RNLS: variants seen among roughly 807,000 people sequenced by gnomAD.
The protein encoded by RNLS is renalase.
In RNLS, 39 loss-of-function variants were observed where a neutral mutation model predicts 39.8. The ratio of observed to expected loss-of-function variants is 0.98; its 90% CI spans 0.76 to 1.28. RNLS has a LOEUF of 1.28. Ranked by LOEUF, RNLS falls within the 50% of genes most tolerant of loss-of-function variation. The pLI is 0.00. For synonymous variants in RNLS, 147 were observed against 150.7 expected, an observed-to-expected ratio of 0.98 and a Z score of 0.18; for missense variants, 410 against 413.3, an observed-to-expected ratio of 0.99 and a Z score of 0.07.
At chr10:88,579,732 A>G (rs948593487) in intron 3 of RNLS, among the ~76,000 whole-genome samples, 1 of 152,310 alleles carries the variant, frequency 6.6e-6, no homozygotes, top group East Asian at 1.9e-4. Context: ...CAAAACGTCC[A>G]ATAGTGTCAC....
At chr10:88,405,932 T>A (rs1202014747) in intron 4 of RNLS, among the ~76,000 whole-genome samples, 1 of 152,130 alleles carries the variant, frequency 6.6e-6, no homozygotes, top group East Asian at 1.9e-4. Context: ...TGGCAAATTA[T>A]CTCAGCATTT....
At chr10:88,255,181 G>A in the RNLS span, among the ~76,000 whole-genome samples, 1 of 152,216 alleles carries the variant, frequency 6.6e-6, no homozygotes, top group South Asian at 2.1e-4. Context: ...GTTTATTCAT[G>A]ATACATTTGT....
At chr10:88,462,501 G>T (rs961074221) in intron 4 of RNLS, among the ~76,000 whole-genome samples, 1 of 151,890 alleles carries the variant, frequency 6.6e-6, no homozygotes, top group African/African-American at 2.4e-5. Flanking sequence ...CAAGCATTAT[G>T]TCCAGGATTC....
At chr10:88,199,131 G>A in the RNLS span, among the ~76,000 whole-genome samples, 2 of 152,160 alleles carry the variant, frequency 1.3e-5, no homozygotes, top group African/African-American at 4.8e-5. Flanking sequence ...CCAGTGAAAG[G>A]TGAGGAGAAG....
At chr10:88,202,845 G>A in the RNLS span, among the ~76,000 whole-genome samples, 6 of 152,052 alleles carry the variant, frequency 3.9e-5, no homozygotes, top group East Asian at 1.2e-3. Context: ...ATTCCCCCAT[G>A]GCACACAGGG....
chr10:88,341,402 ACAATGCCTAGCCCATGGAG>A (rs1227743801), intron 5 of RNLS, among the ~76,000 whole-genome samples: 1 of 152,026 alleles, frequency 6.6e-6, no homozygotes, highest in African/African-American at 2.4e-5. Context: ...AATACCTAGA[ACAATGCCTAGCCCATGGAG>A]TGCAATAAAT....
chr10:88,347,862 C>G (rs1013235187), intron 5 of RNLS, among the ~76,000 whole-genome samples: 1 of 152,098 alleles, frequency 6.6e-6, no homozygotes, highest in African/African-American at 2.4e-5. Context: ...AGTAATTTAG[C>G]TCTCTCTCCT....
the RNLS span, among the ~76,000 whole-genome samples, chr10:88,202,225 A>G: frequency 3.4e-5 from 5 of 146,878 alleles, no homozygotes; most frequent in Non-Finnish European, 5.9e-5. Flanking sequence ...GCATGTTCGC[A>G]CTCATAGGTG....
At chr10:88,208,514 A>T in the RNLS span, among the ~76,000 whole-genome samples, 1 of 152,206 alleles carries the variant, frequency 6.6e-6, no homozygotes, top group African/African-American at 2.4e-5. Context: ...TAGTATTGGC[A>T]TAAAATACCA....
At chr10:88,291,135 G>A (rs1011657413) in intron 6 of RNLS, among the ~76,000 whole-genome samples, 1 of 152,196 alleles carries the variant, frequency 6.6e-6, no homozygotes, top group Non-Finnish European at 1.5e-5. Flanking sequence ...TAAGTAAGGT[G>A]AGGGGAGAGG....
the RNLS span, among the ~76,000 whole-genome samples, chr10:88,260,871 T>TA: frequency 2.0e-5 from 3 of 152,228 alleles, no homozygotes; most frequent in African/African-American, 7.2e-5. Context: ...AAATGACTTT[T>TA]AAAAATCTAA....
chr10:88,350,416 G>A (rs1039237253), intron 5 of RNLS, among the ~76,000 whole-genome samples: 1 of 152,090 alleles, frequency 6.6e-6, no homozygotes, highest in South Asian at 2.1e-4. Flanking sequence ...GGTGTGCGAT[G>A]TTCTCCTTCC....
intron 4 of RNLS, among the ~76,000 whole-genome samples, chr10:88,444,666 T>C (rs1841936168): frequency 6.6e-6 from 1 of 152,076 alleles, no homozygotes; most frequent in Admixed American, 6.5e-5. Context: ...GAGAACTACA[T>C]GATGAATGCA....
At chr10:88,538,151 T>C (rs1293685896) in intron 4 of RNLS, among the ~76,000 whole-genome samples, 1 of 152,166 alleles carries the variant, frequency 6.6e-6, no homozygotes, top group Non-Finnish European at 1.5e-5. Context: ...AGGGTCTTTA[T>C]TTACTCATTT....
At chr10:88,293,939 A>G (rs765841681) in intron 6 of RNLS, among the ~76,000 whole-genome samples, 1 of 152,214 alleles carries the variant, frequency 6.6e-6, no homozygotes, top group Non-Finnish European at 1.5e-5. Flanking sequence ...GTTTCCCAGA[A>G]ATCTGCACAA....
At chr10:88,281,842 C>A (rs532853346), downstream of RNLS, among the ~76,000 whole-genome samples, 1 of 151,840 alleles carries the variant, frequency 6.6e-6, no homozygotes, top group East Asian at 1.9e-4. Context: ...CATTCATATT[C>A]CCGGTTTTTC....
chr10:88,232,643 A>T, the RNLS span, among the ~76,000 whole-genome samples: 2 of 152,168 alleles, frequency 1.3e-5, no homozygotes, highest in Non-Finnish European at 2.9e-5. Flanking sequence ...ACCTAGTTTA[A>T]GTTCATTTTG....
chr10:88,540,406 C>T (rs1847977580), intron 4 of RNLS, among the ~76,000 whole-genome samples: 1 of 152,086 alleles, frequency 6.6e-6, no homozygotes, highest in African/African-American at 2.4e-5. Flanking sequence ...CTATTTTACC[C>T]AAGTTGTTAC....
chr10:88,235,603 C>T, the RNLS span, among the ~76,000 whole-genome samples: 2 of 152,154 alleles, frequency 1.3e-5, no homozygotes, highest in Non-Finnish European at 1.5e-5. Context: ...CCCACTTCAT[C>T]CACCCCTCCA....
Sources: gnomAD v4.1 joint callset for allele counts (sites outside exome capture counted in the v4.1 genomes callset) on GRCh38, gnomAD v4.1.1 for gene constraint, MANE v1.5 for transcripts, NCBI Gene and HGNC (gene_info 2026-07-23, HGNC 2026-07-21) for gene names.